Variants in MTMR7 observed in about 807,000 individuals in gnomAD.
MTMR7 encodes myotubularin related protein 7, also known as phosphatidylinositol-3-phosphate phosphatase MTMR7.
MTMR7 carries 76 observed loss-of-function variants against 81.2 expected under a neutral mutation model. The observed-to-expected ratio is 0.94, with a 90% CI of 0.78 to 1.13. The LOEUF (loss-of-function observed/expected upper bound fraction) is 1.13. Ranked by LOEUF, MTMR7 falls within the 50% of genes most tolerant of loss-of-function variation. The pLI is 0.00. For synonymous variants in MTMR7, 372 were observed against 289.8 expected (o/e 1.28, Z -2.88); for missense variants, 1,044 against 820.0 (o/e 1.27, Z -3.34).
intron 12 of MTMR7, 127 bp downstream of exon 12, chr8:17,304,252 C>G: frequency 9.9e-7 from 1 of 1,013,792 alleles, no homozygotes; most frequent in Non-Finnish European, 1.4e-6. Context: ...AAGCATCTCC[C>G]TCTGGTGTCT....
intron 1 of MTMR7, among the ~76,000 whole-genome samples, chr8:17,407,921 A>C (rs1821634063): frequency 6.6e-6 from 1 of 152,222 alleles, no homozygotes; most frequent in Non-Finnish European, 1.5e-5. Context: ...GGATCTGCTG[A>C]TGTCCGTCTA....
chr8:17,412,467 C>T (rs1244366891), intron 1 of MTMR7, among the ~76,000 whole-genome samples: 1 of 152,140 alleles, frequency 6.6e-6, no homozygotes, highest in Non-Finnish European at 1.5e-5. Flanking sequence ...TTTTATCATG[C>T]AGTAACGTCG....
At chr8:17,381,195 G>A (rs1820747793) in intron 1 of MTMR7, among the ~76,000 whole-genome samples, 1 of 151,808 alleles carries the variant, frequency 6.6e-6, no homozygotes, top group African/African-American at 2.4e-5. Flanking sequence ...TCCTCTGTTG[G>A]GGTTAGACTG....
chr8:17,409,059 C>A lies in MTMR7; in HGVS notation c.24+4210G>T, dbSNP rs1821671899. Among the ~76,000 whole-genome samples the A allele has an allele frequency of 2.6e-5, 4 of 152,126 alleles. No homozygotes were observed. In the South Asian group the frequency reaches 8.3e-4, roughly 32 times the overall value. ...ATTATGTCAGATACACTGACATCCA[C>A]AAATATTTCACACTAATACTATAAG... On this transcript the variant is annotated intron_variant, in intron 1 of 13. Coordinates refer to ENST00000180173, the MANE Select transcript of MTMR7 (RefSeq NM_004686.5).
rs75437306 is a variant in MTMR7 at position 17,413,261 on chromosome 8, T to C, written c.24+8A>G. On this transcript the variant is annotated splice_region_variant and intron_variant, in intron 1 of 13. Transcript: ENST00000180173. Reference sequence around the variant, plus strand: ...CGTCCCTCCTCCGCCCGCGCTGGTGTCACCAACCTTGGGCGTACGGATGTG... The same window carrying C: ...CGTCCCTCCTCCGCCCGCGCTGGTGCCACCAACCTTGGGCGTACGGATGTG... The C allele has an allele frequency of 0.32, 493,642 of 1,547,412 alleles. 81,304 individuals carry two copies. The highest frequency in any genetic ancestry group is 0.33 in the South Asian group (27,973 of 83,964).
At chr8:17,305,703 A>G in intron 11 of MTMR7, 54 bp downstream of exon 11, 1 of 1,474,668 alleles carries the variant, frequency 6.8e-7, no homozygotes, top group South Asian at 1.2e-5. Context: ...TAAAATTCTC[A>G]GTCATCAAAA....
At chr8:17,325,522 A>G (rs561291159) in intron 7 of MTMR7, among the ~76,000 whole-genome samples, 2 of 152,178 alleles carry the variant, frequency 1.3e-5, no homozygotes, top group Non-Finnish European at 2.9e-5. Context: ...GTCTTTTAGA[A>G]TGGATCTGCT....
At chr8:17,366,605 G>A (rs1283837393) in intron 3 of MTMR7, among the ~76,000 whole-genome samples, 3 of 152,096 alleles carry the variant, frequency 2.0e-5, no homozygotes, top group Admixed American at 1.3e-4. Flanking sequence ...CTGTAGTTGA[G>A]GCCGGGCGCG....
chr8:17,311,831 C>G, intron 8 of MTMR7, 195 bp from the exon 9 acceptor site: 1 of 739,214 alleles, frequency 1.4e-6, no homozygotes, highest in South Asian at 1.8e-5. Flanking sequence ...AAAGCTTTCC[C>G]TTCCCATTCT....
At chr8:17,311,386 C>A (rs1228393438) in intron 9 of MTMR7, 125 bp downstream of exon 9, 2 of 1,264,262 alleles carry the variant, frequency 1.6e-6, no homozygotes, top group African/African-American at 1.5e-5. Context: ...CCCCTTTAAT[C>A]TTGCTGAGCT....
intron 5 of MTMR7, chr8:17,346,126 C>T (rs2150545887): frequency 6.6e-6 from 1 of 152,312 alleles, no homozygotes; most frequent in South Asian, 2.1e-4. Flanking sequence ...CAGAAATCCA[C>T]CTTTGGTAAT....
chr8:17,303,192 A>G (rs1251359288), intron 12 of MTMR7, among the ~76,000 whole-genome samples: 1 of 152,200 alleles, frequency 6.6e-6, no homozygotes, highest in East Asian at 1.9e-4. Context: ...GATCCTCAAT[A>G]AAATATGTGT....
chr8:17,397,112 G>A (rs78716543), intron 1 of MTMR7, among the ~76,000 whole-genome samples: 122 of 152,110 alleles, frequency 8.0e-4, no homozygotes, highest in Non-Finnish European at 1.4e-3. Flanking sequence ...AGACTGAGGC[G>A]TGCTGGCTTC....
chr8:17,327,758 A>G (rs948763246), intron 7 of MTMR7, among the ~76,000 whole-genome samples: 1 of 152,184 alleles, frequency 6.6e-6, no homozygotes, highest in African/African-American at 2.4e-5. Flanking sequence ...TGAATATCTT[A>G]ATTTGTAAAA....
At chr8:17,365,218 G>C in intron 3 of MTMR7, among the ~76,000 whole-genome samples, 1 of 152,112 alleles carries the variant, frequency 6.6e-6, no homozygotes, top group East Asian at 1.9e-4. Context: ...GTCTTCTTTT[G>C]AGTAATGTCT....
At chr8:17,383,819 G>A (rs1391045985) in intron 1 of MTMR7, among the ~76,000 whole-genome samples, 1 of 152,142 alleles carries the variant, frequency 6.6e-6, no homozygotes, top group East Asian at 1.9e-4. Flanking sequence ...GCGGAGCTCT[G>A]AAGTGTGCAC....
chr8:17,319,429 G>A (rs1366130679), intron 7 of MTMR7, among the ~76,000 whole-genome samples: 1 of 152,142 alleles, frequency 6.6e-6, no homozygotes. Context: ...ACATGTCAAC[G>A]CTGAAGCTCC....
intron 4 of MTMR7, among the ~76,000 whole-genome samples, chr8:17,351,863 T>C (rs1436932416): frequency 6.6e-6 from 1 of 152,254 alleles, no homozygotes; most frequent in African/African-American, 2.4e-5. Flanking sequence ...ATATTTGTCC[T>C]GCTTTCATCA....
At chr8:17,382,530 A>T (rs1820790692) in intron 1 of MTMR7, among the ~76,000 whole-genome samples, 1 of 152,152 alleles carries the variant, frequency 6.6e-6, no homozygotes, top group African/African-American at 2.4e-5. Flanking sequence ...AAAGACTTTC[A>T]TTTGACTTTA....
Sources: gnomAD v4.1 joint callset for allele counts (sites outside exome capture counted in the v4.1 genomes callset) on GRCh38, gnomAD v4.1.1 for gene constraint, MANE v1.5 for transcripts, NCBI Gene and HGNC (gene_info 2026-07-23, HGNC 2026-07-21) for gene names.